Variants in LAMA2 observed in about 807,000 individuals in gnomAD.
LAMA2 encodes the protein laminin subunit alpha-2.
In LAMA2, 269 loss-of-function variants were observed where a neutral mutation model predicts 364.8. The observed-to-expected ratio is 0.74, with a 90% CI of 0.67 to 0.82. The LOEUF (loss-of-function observed/expected upper bound fraction) is 0.82. Ranked by LOEUF, LAMA2 falls within the 40% of genes least tolerant of loss-of-function variation. LAMA2 has a pLI of 0.00. For synonymous variants in LAMA2, 1,379 were observed against 1,370.6 expected (o/e 1.01, Z -0.14); for missense variants, 3,807 against 3,873.2 (o/e 0.98, Z 0.45).
At chr6:129,449,398 G>A (rs551959414) in intron 45 of LAMA2, among the ~76,000 whole-genome samples, 1 of 152,154 alleles carries the variant, frequency 6.6e-6, no homozygotes, top group Non-Finnish European at 1.5e-5. Flanking sequence ...GGAACATTGT[G>A]CCCTCACATG....
chr6:129,210,464 A>G lies in LAMA2; in HGVS notation c.1782+17611A>G, dbSNP rs141921529. On this transcript the variant is annotated intron_variant, in intron 12 of 64. Transcript: ENST00000421865. ...TACATTGGAATAAAATGAATCTTAG[A>G]AAGCAGCTATTTTTAAAGAAACAGG... 2.2e-4 allele frequency among the ~76,000 whole-genome samples: 33 copies of G among 152,256 alleles called. 1 individual carries two copies. The East Asian group carries it at 6.2e-3, about 29-fold the overall frequency.
At chr6:129,023,161 C>T (rs1038052779) in intron 1 of LAMA2, among the ~76,000 whole-genome samples, 3 of 152,148 alleles carry the variant, frequency 2.0e-5, no homozygotes, top group African/African-American at 7.2e-5. Flanking sequence ...CTCCATAAAA[C>T]TGTTATTAAA....
At chr6:129,459,853 A>G (rs991581098) in intron 48 of LAMA2, among the ~76,000 whole-genome samples, 14 of 152,102 alleles carry the variant, frequency 9.2e-5, no homozygotes, top group African/African-American at 2.9e-4. Context: ...TCTCACAAAA[A>G]TTCCACATTA....
intron 4 of LAMA2, among the ~76,000 whole-genome samples, chr6:129,118,111 G>A (rs1472173227): frequency 1.3e-5 from 2 of 152,144 alleles, no homozygotes; most frequent in African/African-American, 4.8e-5. Flanking sequence ...ATAATGAAAA[G>A]AAATGCATTG....
At chr6:129,257,910 G>A (rs985129381) in intron 14 of LAMA2, among the ~76,000 whole-genome samples, 8 of 151,982 alleles carry the variant, frequency 5.3e-5, no homozygotes, top group African/African-American at 1.9e-4. Flanking sequence ...CCTTTGCCAT[G>A]GAGTTTGTTA....
At chr6:129,221,470 A>G (rs1303746761) in intron 12 of LAMA2, among the ~76,000 whole-genome samples, 1 of 151,956 alleles carries the variant, frequency 6.6e-6, no homozygotes, top group East Asian at 1.9e-4. Context: ...AGCTAAAAAC[A>G]TATGGAAGGA....
chr6:129,061,003 T>C (rs187796594), intron 3 of LAMA2, among the ~76,000 whole-genome samples: 17 of 152,294 alleles, frequency 1.1e-4, no homozygotes, highest in South Asian at 6.2e-4. Flanking sequence ...CAGCTGAATG[T>C]CAGTCCTGAG....
chr6:129,098,509 G>T, intron 4 of LAMA2, 94 bp downstream of exon 4: 1 of 1,419,976 alleles, frequency 7.0e-7, no homozygotes, highest in Non-Finnish European at 9.8e-7. Context: ...ATGTCAGGGA[G>T]ATTTTAAAAT....
rs1248113516 is a variant in LAMA2 at position 129,503,293 on chromosome 6, TG to T, written c.8547+15del. The T allele has an allele frequency of 6.2e-7, 1 of 1,609,566 alleles. No homozygotes were observed. The highest frequency in any genetic ancestry group is 8.5e-7 in the Non-Finnish European group (1 of 1,177,134). On this transcript the variant is annotated intron_variant, in intron 60 of 64. Transcript: ENST00000421865. ...CCAGTGGCACAAGGTAATAGTCCCC[TG>T]GATATTGGCAGTACCCTAAGGGAAT...
At position 129,065,277 on chromosome 6, in the gene LAMA2, A is replaced by G. The variant is rs557598886; in HGVS notation, c.396+5381A>G. On this transcript the variant is annotated intron_variant, in intron 3 of 64. Coordinates refer to ENST00000421865, the MANE Select transcript of LAMA2 (RefSeq NM_000426.4). ...TACGTCAACATAATAAAGACTGTAT[A>G]TGACACATCCTCAGCTAACATCATA... Among the ~76,000 whole-genome samples, 5 of 152,344 alleles carry G rather than the reference A, an allele frequency of 3.3e-5. No individual in the cohort carries two copies. In the East Asian group the frequency reaches 7.7e-4, roughly 24 times the overall value.
In LAMA2 at chr6:129,502,959, CT is replaced by C. The variant is rs1437894496; in HGVS notation, c.8358-131del. 3 of 949,938 alleles carry C rather than the reference CT, an allele frequency of 3.2e-6. No individual in the cohort carries two copies. In the African/African-American group the frequency reaches 4.9e-5, roughly 15 times the overall value. 58.8% of individuals were successfully genotyped at this position (949,938 alleles called of 1,614,324 possible). A position where few individuals can be genotyped will look rare whatever the true frequency, so the allele number is the denominator to read the frequency against. ...GAGCCCAATTTAGGAAATCAGTAGCCTGATAAAGTCCTCATCTCTGAGAAGG... is the reference window on the plus strand; with the variant it reads ...GAGCCCAATTTAGGAAATCAGTAGCCGATAAAGTCCTCATCTCTGAGAAGG... On this transcript the variant is annotated intron_variant, in intron 59 of 64. Transcript: ENST00000421865.
At position 129,349,313 on chromosome 6, in the gene LAMA2, T is replaced by C; in HGVS notation, c.4452T>C (p.Cys1484=). ...ISSSNNFSPS[C]VAEGLDDYRC... ...TCTGATTCAGTTTCAGCCCCTCTTG[T>C]GTCGCAGAAGGACTTGACGACTACC... The change falls in exon 31 of 65, where the codon TGT becomes TGC. Residue 1484 remains cysteine, a synonymous_variant. Transcript: ENST00000421865. The C allele has an allele frequency of 6.2e-7, 1 of 1,613,524 alleles. No homozygotes were observed. Among genetic ancestry groups the C allele is most frequent in the Non-Finnish European group, 8.5e-7 (1 of 1,179,538 alleles).
At chr6:129,225,747 C>T (rs539075882) in intron 12 of LAMA2, among the ~76,000 whole-genome samples, 2 of 152,132 alleles carry the variant, frequency 1.3e-5, no homozygotes, top group Admixed American at 6.5e-5. Flanking sequence ...GAGTGCTTTA[C>T]TTCCAACTAT....
intron 1 of LAMA2, among the ~76,000 whole-genome samples, chr6:128,942,715 G>A (rs1780232544): frequency 6.6e-6 from 1 of 152,130 alleles, no homozygotes. Context: ...GTCTTATTTT[G>A]GATGACATTT....
At chr6:129,418,725 T>G (rs185499796) in intron 40 of LAMA2, among the ~76,000 whole-genome samples, 1 of 152,234 alleles carries the variant, frequency 6.6e-6, no homozygotes, top group East Asian at 1.9e-4. Flanking sequence ...ATACATATTG[T>G]CTATGTAATT....
At position 128,967,612 on chromosome 6, in the gene LAMA2, T is replaced by C. The variant is rs528456838; in HGVS notation, c.113-82306T>C. Among the ~76,000 whole-genome samples, 4 of 152,258 alleles carry C rather than the reference T, an allele frequency of 2.6e-5. No homozygotes were observed. In the South Asian group the frequency reaches 8.3e-4, roughly 32 times the overall value. ...ACAGATGTTTAAAAGTTAACCCTGC[T>C]CAAAAATGTAACGGGATCTTTACTA... On this transcript the variant is annotated intron_variant, in intron 1 of 64. Transcript: ENST00000421865.
chr6:129,509,884 C>T lies in LAMA2; in HGVS notation c.8857+2242C>T, dbSNP rs115417731. Among the ~76,000 whole-genome samples the T allele has an allele frequency of 2.7e-3, 405 of 152,168 alleles. 3 individuals are homozygous for T. Among genetic ancestry groups the T allele is most frequent in the African/African-American group, 9.4e-3 (389 of 41,516 alleles). On this transcript the variant is annotated intron_variant, in intron 62 of 64. Coordinates refer to ENST00000421865, the MANE Select transcript of LAMA2 (RefSeq NM_000426.4). Reference sequence around the variant, plus strand: ...TTTTTTCTATTTCTGTGAAGAATCTCATTGGTATTTTAATAGGGATTATAT... The same window carrying T: ...TTTTTTCTATTTCTGTGAAGAATCTTATTGGTATTTTAATAGGGATTATAT...
At chr6:128,987,215 T>G (rs1240229126) in intron 1 of LAMA2, among the ~76,000 whole-genome samples, 1 of 141,306 alleles carries the variant, frequency 7.1e-6, no homozygotes, top group Non-Finnish European at 1.5e-5. Flanking sequence ...CTCAGCTCAC[T>G]GTAAACTCTT....
chr6:128,950,295 T>C (rs1047148015), intron 1 of LAMA2, among the ~76,000 whole-genome samples: 1 of 151,998 alleles, frequency 6.6e-6, no homozygotes, highest in Non-Finnish European at 1.5e-5. Flanking sequence ...CAGGAAGATA[T>C]GTTCAAAGCA....
Sources: gnomAD v4.1 joint callset for allele counts (sites outside exome capture counted in the v4.1 genomes callset) on GRCh38, gnomAD v4.1.1 for gene constraint, MANE v1.5 for transcripts, NCBI Gene and HGNC (gene_info 2026-07-23, HGNC 2026-07-21) for gene names.